The following RNF34 variants were observed in gnomAD, a reference collection of about 807,000 sequenced individuals.
The protein encoded by RNF34 is E3 ubiquitin-protein ligase RNF34.
A neutral mutation model predicts 37.9 loss-of-function variants in RNF34; 12 were observed. The ratio of observed to expected loss-of-function variants is 0.32; its 90% CI spans 0.20 to 0.51. The LOEUF (loss-of-function observed/expected upper bound fraction) is 0.51, where lower values mean the gene tolerates loss of function less well. Ranked by LOEUF, RNF34 falls within the 20% of genes least tolerant of loss-of-function variation. The pLI, the probability that RNF34 is intolerant of heterozygous loss-of-function variation, is 0.97. For missense variants in RNF34, 362 were observed against 472.7 expected, an observed-to-expected ratio of 0.77 and a Z score of 2.17; for synonymous variants, 155 against 177.2, an observed-to-expected ratio of 0.87 and a Z score of 1.00.
intron 1 of RNF34, among the ~76,000 whole-genome samples, chr12:121,412,625 C>T (rs929143612): frequency 2.0e-5 from 3 of 151,994 alleles, no homozygotes; most frequent in Non-Finnish European, 1.5e-5. Context: ...GTGATCCACC[C>T]GCCTTGGCCT....
intron 3 of RNF34, among the ~76,000 whole-genome samples, chr12:121,419,160 G>A (rs887426030): frequency 2.6e-5 from 4 of 152,074 alleles, no homozygotes; most frequent in African/African-American, 9.7e-5. Flanking sequence ...TATTTTTATT[G>A]TACCTTTTTT....
At chr12:121,409,893 T>A (rs890875906) in intron 1 of RNF34, 34 of 152,308 alleles carry the variant, frequency 2.2e-4, no homozygotes, top group African/African-American at 7.7e-4. Context: ...TGGTGGCTCA[T>A]ACCTGTAATC....
chr12:121,400,792 G>T (rs959764596), intron 1 of RNF34, among the ~76,000 whole-genome samples: 2 of 152,188 alleles, frequency 1.3e-5, no homozygotes, highest in Admixed American at 6.6e-5. Flanking sequence ...ATCGCCACTA[G>T]GTAAACGCAG....
At chr12:121,402,302 GA>G (rs1190356156) in intron 1 of RNF34, among the ~76,000 whole-genome samples, 4 of 150,486 alleles carry the variant, frequency 2.7e-5, no homozygotes, top group East Asian at 1.9e-4. Flanking sequence ...AGAAAAAAAG[GA>G]AAAAAAAAGT....
chr12:121,402,953 T>C (rs1028169090), intron 1 of RNF34: 2 of 663,278 alleles, frequency 3.0e-6, no homozygotes, highest in African/African-American at 1.8e-5. Flanking sequence ...TAATTTAGGA[T>C]GTAGAATTCC....
intron 1 of RNF34, among the ~76,000 whole-genome samples, chr12:121,401,850 C>A (rs960733315): frequency 1.3e-5 from 2 of 152,098 alleles, no homozygotes; most frequent in Non-Finnish European, 2.9e-5. Flanking sequence ...AGAAAAGATA[C>A]GTATTTTCAG....
Position 121,423,570 on chromosome 12 carries a change from G to A in RNF34, c.1113G>A (p.Lys371=), listed in dbSNP as rs1347726727. The change falls in exon 6 of 6, where the codon AAG becomes AAA. Residue 371 remains lysine (K), a synonymous_variant. Transcript: ENST00000361234. This position sits in a 1 kb window ranked among gnomAD's most constrained non-coding sequence, Gnocchi z 4.3. ...TGGTGCGAGCCGTGCACGTGTTCAA[G>A]TCCTGAAACAGGCTCCCCTCACCAG... is the stretch of plus-strand genomic sequence containing the variant. ...QYVVRAVHVF[K]S The A allele has an allele frequency of 3.7e-6, 6 of 1,612,658 alleles. No homozygotes were observed. Among genetic ancestry groups the A allele is most frequent in the Non-Finnish European group, 5.1e-6 (6 of 1,179,036 alleles).
chr12:121,418,672 A>G (rs1337979745), intron 3 of RNF34: 9 of 152,100 alleles, frequency 5.9e-5, no homozygotes, highest in Admixed American at 5.9e-4. Context: ...GTGTACCATG[A>G]TTGCAACTGT....
intron 1 of RNF34, among the ~76,000 whole-genome samples, chr12:121,401,344 C>A: frequency 1.7e-5 from 1 of 60,508 alleles, no homozygotes; most frequent in Non-Finnish European, 3.3e-5. Flanking sequence ...AGGCAGAAGG[C>A]TATAGGTATC....
chr12:121,416,451 A>C, intron 2 of RNF34, 74 bp downstream of exon 2: 1 of 1,006,356 alleles, frequency 9.9e-7, no homozygotes, highest in South Asian at 1.4e-5. Flanking sequence ...TTGAATAGCT[A>C]TTGAATTTTC....
chr12:121,414,669 C>CTGT (rs199659743), intron 1 of RNF34, among the ~76,000 whole-genome samples: 56 of 152,064 alleles, frequency 3.7e-4, no homozygotes, highest in Non-Finnish European at 7.1e-4. Context: ...AAATACTTTC[C>CTGT]TGTTGTTGTT....
intron 1 of RNF34, among the ~76,000 whole-genome samples, chr12:121,413,324 G>T (rs1415712156): frequency 6.6e-6 from 1 of 152,074 alleles, no homozygotes; most frequent in Non-Finnish European, 1.5e-5. Flanking sequence ...ACTGAGCCTG[G>T]CCAGATTTTC....
chr12:121,423,551 G>A lies in RNF34; in HGVS notation c.1094G>A (p.Arg365Gln), dbSNP rs1555283819. The change falls in exon 6 of 6, where the codon CGA becomes CAA. Residue 365 changes from arginine (R) to glutamine (Q), a missense_variant. Physicochemically the swap from Arg to Gln is conservative, Grantham distance 43. Transcript: ENST00000361234. This position sits in a 1 kb window ranked among gnomAD's most constrained non-coding sequence, Gnocchi z 4.3. ...ECPICRQYVV[R>Q]AVHVFKS ...CCCATCTGCCGGCAGTATGTGGTGC[G>A]AGCCGTGCACGTGTTCAAGTCCTGA... 1 of 1,614,060 alleles carries A rather than the reference G, an allele frequency of 6.2e-7. No homozygotes were observed. The highest frequency in any genetic ancestry group is 8.5e-7 in the Non-Finnish European group (1 of 1,179,944).
At chr12:121,412,397 G>T (rs782059035) in intron 1 of RNF34, among the ~76,000 whole-genome samples, 14 of 150,982 alleles carry the variant, frequency 9.3e-5, no homozygotes, top group Non-Finnish European at 1.8e-4. Context: ...CCGCCACCAC[G>T]CCAGGCTAAT....
rs782574437 is a variant in RNF34 at position 121,423,531 on chromosome 12, C to T, written c.1074C>T (p.Ile358=). The T allele has an allele frequency of 6.2e-7, 1 of 1,614,208 alleles. No homozygotes were observed. The highest frequency in any genetic ancestry group is 8.5e-7 in the Non-Finnish European group (1 of 1,180,026). The change falls in exon 6 of 6, where the codon ATC becomes ATT. Residue 358 remains isoleucine, a synonymous_variant. Coordinates refer to ENST00000361234, the MANE Select transcript of RNF34 (RefSeq NM_025126.4). The surrounding 1 kb of genome is among the most constrained non-coding windows in gnomAD (Gnocchi z 4.3). ...KCGKRMSECP[I]CRQYVVRAVH... ...GCAAGCGCATGAGTGAGTGTCCCATCTGCCGGCAGTATGTGGTGCGAGCCG... is the reference window on the plus strand; with the variant it reads ...GCAAGCGCATGAGTGAGTGTCCCATTTGCCGGCAGTATGTGGTGCGAGCCG...
chr12:121,402,005 G>A (rs1555280063), intron 1 of RNF34, among the ~76,000 whole-genome samples: 1 of 152,156 alleles, frequency 6.6e-6, no homozygotes, highest in African/African-American at 2.4e-5. Flanking sequence ...GATTTATATT[G>A]AAATTGTTTA....
chr12:121,406,993 G>A (rs1555280754), intron 1 of RNF34, among the ~76,000 whole-genome samples: 1 of 152,120 alleles, frequency 6.6e-6, no homozygotes, highest in Non-Finnish European at 1.5e-5. Context: ...GCTAAAGTTT[G>A]GGGTACAGTT....
intron 1 of RNF34, chr12:121,405,058 C>G (rs1870393543): frequency 6.6e-6 from 1 of 152,214 alleles, no homozygotes; most frequent in Admixed American, 6.5e-5. Context: ...CTGAGAGAGT[C>G]CTTATAACCT....
intron 1 of RNF34, among the ~76,000 whole-genome samples, chr12:121,408,006 G>C (rs1260952421): frequency 6.6e-6 from 1 of 152,120 alleles, no homozygotes; most frequent in Non-Finnish European, 1.5e-5. Flanking sequence ...GTTCTGTCAA[G>C]TCATAACAGA....
Sources: gnomAD v4.1 joint callset for allele counts (sites outside exome capture counted in the v4.1 genomes callset) on GRCh38, gnomAD v4.1.1 for gene constraint, Gnocchi (gnomAD v3.1) non-coding constraint, MANE v1.5 for transcripts, NCBI Gene and HGNC (gene_info 2026-07-23, HGNC 2026-07-21) for gene names.